Variants in RBPMS2 observed in about 807,000 individuals in gnomAD.
RBPMS2 encodes the protein RNA binding protein, mRNA processing factor 2, also known as RNA-binding protein with multiple splicing 2.
In RBPMS2, 14 loss-of-function variants were observed where a neutral mutation model predicts 25.7. The observed-to-expected ratio is 0.55, with a 90% CI of 0.36 to 0.85. The LOEUF is 0.85. Among genes scored for constraint, RBPMS2 ranks in the 40% least tolerant of loss-of-function variants. RBPMS2 has a pLI of 0.01. For synonymous variants in RBPMS2, 127 were observed against 115.6 expected (o/e 1.10, Z -0.63); for missense variants, 252 against 283.4 (o/e 0.89, Z 0.80).
At position 64,775,425 on chromosome 15, in the gene RBPMS2, C is replaced by T. The variant is rs1382082289; in HGVS notation, c.-106G>A. ...GAGCGGTGCGCTCGCGGGTGCGGAG[C>T]GGGTGGCGGGGGACCCACGGGGCAG... On this transcript the variant is annotated 5_prime_UTR_variant, in exon 1 of 8. Transcript: ENST00000300069. 1.3e-5 allele frequency: 4 copies of T among 308,374 alleles called. No homozygotes were observed. Among genetic ancestry groups the T allele is most frequent in the Non-Finnish European group, 1.9e-5 (4 of 208,838 alleles). 19.1% of individuals were successfully genotyped at this position (308,374 alleles called of 1,614,324 possible).
At chr15:64,743,720 G>A (rs561710677) in intron 6 of RBPMS2, among the ~76,000 whole-genome samples, 61 of 152,338 alleles carry the variant, frequency 4.0e-4, no homozygotes, top group African/African-American at 1.4e-3. Flanking sequence ...AACAAAGAGC[G>A]GAGGATGCAA....
chr15:64,753,727 T>C (rs1418110319), intron 1 of RBPMS2, among the ~76,000 whole-genome samples: 1 of 152,114 alleles, frequency 6.6e-6, no homozygotes. Context: ...GGCACCACTA[T>C]ACCAGCCTCT....
intron 1 of RBPMS2, among the ~76,000 whole-genome samples, chr15:64,771,967 T>TA (rs1320574910): frequency 6.6e-6 from 1 of 152,056 alleles, no homozygotes; most frequent in East Asian, 1.9e-4. Context: ...TTCAAACAAA[T>TA]AAAAAAATAA....
chr15:64,748,116 T>C (rs1056073225), intron 6 of RBPMS2, among the ~76,000 whole-genome samples: 7 of 152,150 alleles, frequency 4.6e-5, no homozygotes, highest in African/African-American at 1.4e-4. Context: ...ACTGGAATCA[T>C]AGTCCCATCA....
intron 1 of RBPMS2, among the ~76,000 whole-genome samples, chr15:64,761,870 G>A (rs747803796): frequency 5.3e-5 from 8 of 151,646 alleles, no homozygotes; most frequent in Non-Finnish European, 7.4e-5. Context: ...CACCATGCCC[G>A]ACAATTTTTG....
chr15:64,768,195 T>TG (rs1255341739), intron 1 of RBPMS2, among the ~76,000 whole-genome samples: 1 of 152,104 alleles, frequency 6.6e-6, no homozygotes, highest in Admixed American at 6.5e-5. Flanking sequence ...AATAAGTAAG[T>TG]GTGCCATTTG....
rs1477020480 is a variant in RBPMS2, at chr15:64,742,700, C to G, written c.568-1458G>C. The stretch of plus-strand genomic sequence containing the variant: ...GGGGATGAGCATCCAGGGAGGGGAG[C>G]TGGAGTCCCCTCAGGAAGGGAAGGG... On this transcript the variant is annotated intron_variant, in intron 6 of 7. Transcript: ENST00000300069. Among the ~76,000 whole-genome samples the G allele has an allele frequency of 2.0e-5, 3 of 152,094 alleles. No homozygotes were observed. The East Asian group carries it at 5.8e-4, about 29-fold the overall frequency.
At chr15:64,759,377 A>G (rs1022752401) in intron 1 of RBPMS2, among the ~76,000 whole-genome samples, 21 of 152,170 alleles carry the variant, frequency 1.4e-4, no homozygotes, top group African/African-American at 4.6e-4. Flanking sequence ...CCTCTCTTTC[A>G]GGAAGGTGTG....
chr15:64,749,631 C>T, intron 3 of RBPMS2, 138 bp from the exon 4 acceptor site: 1 of 700,160 alleles, frequency 1.4e-6, no homozygotes, highest in Non-Finnish European at 2.3e-6. Flanking sequence ...GGAAAAAAAG[C>T]CCCCCAAAAC....
At chr15:64,753,442 T>C (rs964187518) in intron 1 of RBPMS2, among the ~76,000 whole-genome samples, 1 of 152,114 alleles carries the variant, frequency 6.6e-6, no homozygotes, top group African/African-American at 2.4e-5. Flanking sequence ...GGAGCAATGT[T>C]AGGTAAAACT....
chr15:64,744,798 G>GTTTTTTTTTTTTTTTTTTTTTTTT (rs748967917), intron 6 of RBPMS2, among the ~76,000 whole-genome samples: 1 of 46,290 alleles, frequency 2.2e-5, no homozygotes, highest in African/African-American at 7.4e-5. Flanking sequence ...GGTTTGTTTT[G>GTTTTTTTTTTTTTTTTTTTTTTTT]TTTTTTTTTT....
chr15:64,773,784 T>TC (rs2083907896), intron 1 of RBPMS2, among the ~76,000 whole-genome samples: 1 of 151,864 alleles, frequency 6.6e-6, no homozygotes. Flanking sequence ...AAGCAGAGAC[T>TC]CCAAGTACGC....
chr15:64,767,856 C>T (rs542543848), intron 1 of RBPMS2, among the ~76,000 whole-genome samples: 18 of 152,168 alleles, frequency 1.2e-4, no homozygotes, highest in Admixed American at 3.3e-4. Flanking sequence ...TTTGTAAGGA[C>T]GGGGTTTAAT....
rs192989580 is a variant in RBPMS2 at position 64,767,101 on chromosome 15, T to C, written c.87+8132A>G. Among the ~76,000 whole-genome samples, 300 of 152,078 alleles carry C rather than the reference T, an allele frequency of 2.0e-3. 1 individual carries two copies. Among genetic ancestry groups the C allele is most frequent in the Non-Finnish European group, 3.2e-3 (215 of 67,988 alleles). On this transcript the variant is annotated intron_variant, in intron 1 of 7. Coordinates refer to ENST00000300069, the MANE Select transcript of RBPMS2 (RefSeq NM_194272.3). ...GTTTTTCGGTTTTTTACTTTTTTTT[T>C]CTCTCTTTTTTTTTGAGACAGGGGC...
At chr15:64,751,812 C>G (rs2083684391) in intron 1 of RBPMS2, among the ~76,000 whole-genome samples, 174 bp from the exon 2 acceptor site, 1 of 152,154 alleles carries the variant, frequency 6.6e-6, no homozygotes, top group Non-Finnish European at 1.5e-5. Context: ...CACTCAATTT[C>G]TCAAAGCCCT....
intron 6 of RBPMS2, among the ~76,000 whole-genome samples, 160 bp from the exon 7 acceptor site, chr15:64,741,402 T>C (rs2083561356): frequency 6.6e-6 from 1 of 152,204 alleles, no homozygotes; most frequent in African/African-American, 2.4e-5. Flanking sequence ...TCAGTTTCTC[T>C]ATCCGGCAAG....
intron 1 of RBPMS2, 35 bp downstream of exon 1, chr15:64,775,198 G>A (rs1221954029): frequency 1.7e-6 from 2 of 1,176,502 alleles, no homozygotes; most frequent in Non-Finnish European, 2.1e-6. Context: ...CCTGGCGTGC[G>A]CTTCACCCGG....
At chr15:64,768,375 C>G (rs1278048730) in intron 1 of RBPMS2, among the ~76,000 whole-genome samples, 2 of 151,996 alleles carry the variant, frequency 1.3e-5, no homozygotes, top group African/African-American at 2.4e-5. Flanking sequence ...TGCAGTGACT[C>G]AAACCTATAA....
chr15:64,762,780 C>T (rs1204765188), intron 1 of RBPMS2, among the ~76,000 whole-genome samples: 1 of 152,136 alleles, frequency 6.6e-6, no homozygotes, highest in Non-Finnish European at 1.5e-5. Flanking sequence ...TTTTAAAGGG[C>T]AGTAGAATGC....
Sources: allele counts gnomAD v4.1 joint callset (sites outside exome capture counted in the v4.1 genomes callset), GRCh38; gene constraint gnomAD v4.1.1; transcripts MANE v1.5; gene names NCBI Gene and HGNC (gene_info 2026-07-23, HGNC 2026-07-21).